The following MXRA7 variants were observed in gnomAD, a reference collection of about 807,000 sequenced individuals.
The protein encoded by MXRA7 is matrix-remodeling-associated protein 7.
MXRA7 carries 18 observed loss-of-function variants against 17.4 expected under a neutral mutation model. That is an observed-to-expected ratio of 1.03 (90% CI 0.71 to 1.53). MXRA7 has a LOEUF of 1.53. MXRA7 is among the 40% of genes most tolerant of loss of function. The probability of loss-of-function intolerance (pLI) is 0.00; values close to 1 mark genes in which losing one functional copy is unlikely to be tolerated. For missense variants in MXRA7, 141 were observed against 209.3 expected, an observed-to-expected ratio of 0.67 and a Z score of 2.01; for synonymous variants, 70 against 101.7, an observed-to-expected ratio of 0.69 and a Z score of 1.87.
chr17:76,707,844 A>T (rs551902117), intron 1 of MXRA7, among the ~76,000 whole-genome samples: 2 of 152,316 alleles, frequency 1.3e-5, no homozygotes, highest in East Asian at 3.9e-4. Context: ...CCTGGCCTGA[A>T]AAGAGGCCGG....
chr17:76,698,963 C>T (rs1347308458), intron 1 of MXRA7, among the ~76,000 whole-genome samples: 2 of 152,120 alleles, frequency 1.3e-5, no homozygotes, highest in African/African-American at 2.4e-5. Context: ...TCAAGTGATC[C>T]GCCCACCTCA....
intron 1 of MXRA7, 48 bp downstream of exon 1, chr17:76,710,557 C>T: frequency 8.1e-7 from 1 of 1,228,658 alleles, no homozygotes. Context: ...GCAGCGGCAG[C>T]CGGAGCCCCG....
At chr17:76,697,134 A>G (rs988974427) in intron 1 of MXRA7, among the ~76,000 whole-genome samples, 1 of 152,122 alleles carries the variant, frequency 6.6e-6, no homozygotes, top group African/African-American at 2.4e-5. Flanking sequence ...AGGGCCTTTA[A>G]AGAGGTGATT....
chr17:76,679,293 A>AAGGG (rs2076267414), downstream of MXRA7, among the ~76,000 whole-genome samples: 1 of 149,324 alleles, frequency 6.7e-6, no homozygotes, highest in African/African-American at 2.5e-5. Context: ...GTCTCAAAAA[A>AAGGG]AAAAAAAAAA....
At chr17:76,692,143 A>T (rs1220220805) in intron 1 of MXRA7, among the ~76,000 whole-genome samples, 1 of 150,472 alleles carries the variant, frequency 6.6e-6, no homozygotes, top group East Asian at 1.9e-4. Flanking sequence ...TGAGCCCAAG[A>T]GGTTGAGGCT....
Position 76,706,170 on chromosome 17 carries a change from G to GCTGCCA in MXRA7, c.342+4434_342+4435insTGGCAG, listed in dbSNP as rs2076653834. Among the ~76,000 whole-genome samples the GCTGCCA allele has an allele frequency of 6.9e-5, 5 of 72,506 alleles. No individual in the cohort carries two copies. The South Asian group carries it at 1.9e-3, about 28-fold the overall frequency. The allele number at this position is 72,506 out of a possible 152,430, so 47.6% of individuals were successfully genotyped here. A position where few individuals can be genotyped will look rare whatever the true frequency, so the allele number is the denominator to read the frequency against. Reference sequence around the variant, plus strand: ...TGCCGTCACAGAGGCCCACGCTGCCGTCACAGAGGCCCACGCTGCCATCAC... The same window carrying GCTGCCA: ...TGCCGTCACAGAGGCCCACGCTGCCGCTGCCATCACAGAGGCCCACGCTGCCATCAC... On this transcript the variant is annotated intron_variant, in intron 1 of 3. Coordinates refer to ENST00000449428, the MANE Select transcript of MXRA7 (RefSeq NM_198530.4).
intron 2 of MXRA7, among the ~76,000 whole-genome samples, chr17:76,687,086 C>A (rs2076407506): frequency 1.3e-5 from 2 of 152,240 alleles, no homozygotes; most frequent in African/African-American, 4.8e-5. Context: ...CTTCAGCTGT[C>A]TCAGGCCACA....
chr17:76,682,110 G>A (rs1567976566), intron 3 of MXRA7, among the ~76,000 whole-genome samples: 1 of 152,214 alleles, frequency 6.6e-6, no homozygotes, highest in Non-Finnish European at 1.5e-5. Flanking sequence ...GGATGAGACT[G>A]ACCACTTCAG....
At chr17:76,684,941 T>C in intron 3 of MXRA7, 131 bp downstream of exon 3, 1 of 746,412 alleles carries the variant, frequency 1.3e-6, no homozygotes, top group African/African-American at 1.7e-5. Flanking sequence ...GGGCGGTGGT[T>C]GGGCAGAGCG....
chr17:76,688,284 G>A, intron 1 of MXRA7, 108 bp from the exon 2 acceptor site: 5 of 1,533,160 alleles, frequency 3.3e-6, no homozygotes, highest in South Asian at 1.2e-5. Context: ...GGTCCAGCCT[G>A]CCCACGCCCT....
intron 1 of MXRA7, among the ~76,000 whole-genome samples, chr17:76,693,949 A>T (rs546589263): frequency 9.8e-5 from 15 of 152,324 alleles, no homozygotes; most frequent in African/African-American, 3.4e-4. Flanking sequence ...ACACCTAATT[A>T]AAAAAAGCTT....
chr17:76,710,653 G>T lies in MXRA7; in HGVS notation c.294C>A (p.Pro98=). 29 of 1,376,078 alleles carry T rather than the reference G, an allele frequency of 2.1e-5. No individual in the cohort carries two copies. The highest frequency in any genetic ancestry group is 2.7e-5 in the Non-Finnish European group (29 of 1,060,566). 85.2% of individuals were successfully genotyped at this position (1,376,078 alleles called of 1,614,324 possible). The part of the protein sequence containing the change: ...GPGEPEGPGD[P]AAAPAEAEEQ... ...CCTCCGCCTCCGCTGGCGCCGCCGCGGGATCCCCTGGCCCTTCGGGCTCCC... is the reference window on the plus strand; with the variant it reads ...CCTCCGCCTCCGCTGGCGCCGCCGCTGGATCCCCTGGCCCTTCGGGCTCCC... The change falls in exon 1 of 4, where the codon CCC becomes CCA. Residue 98 remains proline (P), a synonymous_variant. Coordinates refer to ENST00000449428, the MANE Select transcript of MXRA7 (RefSeq NM_198530.4).
chr17:76,682,479 T>C (rs2076319174), intron 3 of MXRA7, among the ~76,000 whole-genome samples: 1 of 152,104 alleles, frequency 6.6e-6, no homozygotes, highest in African/African-American at 2.4e-5. Context: ...TCCCTGGACT[T>C]GGCTGGGACC....
intron 1 of MXRA7, among the ~76,000 whole-genome samples, chr17:76,695,371 T>TGTGTGC (rs2076522863): frequency 6.6e-6 from 1 of 151,620 alleles, no homozygotes; most frequent in Non-Finnish European, 1.5e-5. Context: ...TGTGTGTGTG[T>TGTGTGC]GTGTGTGCAA....
At chr17:76,706,143 A>ACTGCCATCACAGAGGCCCACG (rs1567990614) in intron 1 of MXRA7, among the ~76,000 whole-genome samples, 8 of 54,316 alleles carry the variant, frequency 1.5e-4, no homozygotes, top group Non-Finnish European at 2.7e-4. Flanking sequence ...AAAGGACCAC[A>ACTGCCATCACAGAGGCCCACG]CTGCCGTCAC....
intron 1 of MXRA7, among the ~76,000 whole-genome samples, chr17:76,707,341 G>A (rs2076674222): frequency 7.8e-6 from 1 of 128,972 alleles, no homozygotes; most frequent in South Asian, 2.4e-4. Flanking sequence ...GTCTCGTTCT[G>A]TTGCCCAGGC....
chr17:76,701,493 C>T lies in MXRA7; in HGVS notation c.342+9112G>A, dbSNP rs375673892. 6.7e-4 allele frequency among the ~76,000 whole-genome samples: 102 copies of T among 151,904 alleles called. 3 individuals are homozygous for T. The highest frequency in any genetic ancestry group is 3.3e-3 in the Admixed American group (50 of 15,260). On this transcript the variant is annotated intron_variant, in intron 1 of 3. Transcript: ENST00000449428. ...GAGCTCAGGGGAGGCGAGAGCTGGG[C>T]GTATAGATGTGGGCACCATCAGCTA... is the stretch of plus-strand genomic sequence containing the variant.
chr17:76,693,380 G>C (rs913365493), intron 1 of MXRA7, among the ~76,000 whole-genome samples: 1 of 150,228 alleles, frequency 6.7e-6, no homozygotes, highest in African/African-American at 2.4e-5. Flanking sequence ...CAGGAGAATC[G>C]TTGGACCCTG....
chr17:76,677,525 A>T (rs1460973093), downstream of MXRA7: 7 of 1,161,928 alleles, frequency 6.0e-6, no homozygotes, highest in Non-Finnish European at 9.0e-6. Context: ...GGAAAGAACA[A>T]GGGCATGGGG....
Sources: gnomAD v4.1 joint callset for allele counts (sites outside exome capture counted in the v4.1 genomes callset) on GRCh38, gnomAD v4.1.1 for gene constraint, MANE v1.5 for transcripts, NCBI Gene and HGNC (gene_info 2026-07-23, HGNC 2026-07-21) for gene names.